INSL6: variants seen among roughly 807,000 people sequenced by gnomAD.
The protein encoded by INSL6 is insulin like 6, also known as insulin-like peptide INSL6.
INSL6 carries 16 observed loss-of-function variants against 9.4 expected under a neutral mutation model. That is an observed-to-expected ratio of 1.70 (90% CI 1.15 to 2.59). The LOEUF (loss-of-function observed/expected upper bound fraction) is 2.59. Ranked by LOEUF, INSL6 falls within the 30% of genes most tolerant of loss-of-function variation. The probability of loss-of-function intolerance (pLI) is 0.00; values close to 1 mark genes in which losing one functional copy is unlikely to be tolerated. For synonymous variants in INSL6, 154 were observed against 96.9 expected (o/e 1.59, Z -3.46); for missense variants, 391 against 257.3 (o/e 1.52, Z -3.56).
chr9:5,050,658 G>T, the INSL6 span: 4 of 1,597,846 alleles, frequency 2.5e-6, no homozygotes, highest in Non-Finnish European at 3.4e-6. Context: ...CTTACGATGA[G>T]ATATTTCCTT....
chr9:5,041,508 T>G, the INSL6 span: 3 of 566,238 alleles, frequency 5.3e-6, no homozygotes, highest in African/African-American at 1.9e-5. Flanking sequence ...CGGGGACACA[T>G]AGCGCGCCAC....
At chr9:5,132,356 G>A (rs1231059275) in intron 3 of INSL6, among the ~76,000 whole-genome samples, 2 of 151,980 alleles carry the variant, frequency 1.3e-5, no homozygotes, top group Non-Finnish European at 1.5e-5. Flanking sequence ...ACATTTAATG[G>A]GAATTTTTTT....
intron 1 of INSL6, among the ~76,000 whole-genome samples, chr9:5,183,701 C>A (rs1376667426): frequency 2.0e-5 from 3 of 151,864 alleles, no homozygotes; most frequent in African/African-American, 7.3e-5. Flanking sequence ...GAAATGCCCA[C>A]CCAACATAAA....
the INSL6 span, chr9:5,111,428 G>A: frequency 7.0e-5 from 28 of 398,650 alleles, no homozygotes; most frequent in South Asian, 5.3e-4. Context: ...CACGAAGGTC[G>A]GGAAGGTCCC....
At chr9:5,174,928 G>C (rs1351142612) in intron 1 of INSL6, among the ~76,000 whole-genome samples, 2 of 150,942 alleles carry the variant, frequency 1.3e-5, no homozygotes, top group African/African-American at 4.9e-5. Context: ...AATTAACAAT[G>C]TTTTGGAGTC....
At chr9:5,090,676 T>G in the INSL6 span, 1 of 1,537,982 alleles carries the variant, frequency 6.5e-7, no homozygotes, top group East Asian at 2.3e-5. Flanking sequence ...ATATATAGGG[T>G]TAAGACCATT....
chr9:5,140,586 T>G (rs1190561614), intron 2 of INSL6, among the ~76,000 whole-genome samples: 5 of 152,142 alleles, frequency 3.3e-5, no homozygotes, highest in African/African-American at 1.2e-4. Context: ...TATAACCATG[T>G]CATTCTTTTG....
At chr9:5,133,157 T>A (rs1214020502) in intron 3 of INSL6, among the ~76,000 whole-genome samples, 1 of 150,474 alleles carries the variant, frequency 6.6e-6, no homozygotes, top group African/African-American at 2.5e-5. Context: ...TATGCAGTGA[T>A]ATTAGAGTGT....
At chr9:5,083,088 T>G in the INSL6 span, among the ~76,000 whole-genome samples, 2 of 152,218 alleles carry the variant, frequency 1.3e-5, no homozygotes, top group Non-Finnish European at 2.9e-5. Flanking sequence ...TCAAATTGAC[T>G]TGACCAAGAG....
At chr9:5,029,865 T>C in the INSL6 span, 7 of 1,612,550 alleles carry the variant, frequency 4.3e-6, no homozygotes, top group Non-Finnish European at 5.9e-6. Flanking sequence ...ATGTCTTCCA[T>C]ATAGATGAGT....
At chr9:5,051,295 T>C in the INSL6 span, among the ~76,000 whole-genome samples, 10 of 152,178 alleles carry the variant, frequency 6.6e-5, no homozygotes, top group African/African-American at 2.4e-4. Flanking sequence ...CTGAGAAGGC[T>C]AGGGAAGTTC....
the INSL6 span, among the ~76,000 whole-genome samples, chr9:5,042,124 C>CTT: frequency 0.016 from 1,766 of 107,450 alleles, 10 homozygotes; most frequent in Non-Finnish European, 0.02. Flanking sequence ...GCCAAAATTT[C>CTT]TTTTTTTTTT....
At position 5,171,942 on chromosome 9, in the gene INSL6, T is replaced by C. The variant is rs949263818; in HGVS notation, c.290-7677A>G. ...ATTTATAGTTTCAATGCTATTCCCA[T>C]CTAACTACCATCGACATTCTTCACA... On this transcript the variant is annotated intron_variant, in intron 1 of 1. Coordinates refer to ENST00000381641, the MANE Select transcript of INSL6 (RefSeq NM_007179.3). 3.9e-5 allele frequency among the ~76,000 whole-genome samples: 6 copies of C among 152,142 alleles called. No homozygotes were observed. In the South Asian group the frequency reaches 1.2e-3, roughly 32 times the overall value.
intron 1 of INSL6, among the ~76,000 whole-genome samples, chr9:5,177,791 G>T (rs1166279118): frequency 6.6e-6 from 1 of 152,196 alleles, no homozygotes; most frequent in East Asian, 1.9e-4. Flanking sequence ...CAGCTTTGGA[G>T]AATCCAAACA....
At chr9:5,160,434 G>A (rs1177776813), downstream of INSL6, among the ~76,000 whole-genome samples, 6 of 152,136 alleles carry the variant, frequency 3.9e-5, no homozygotes, top group Middle Eastern at 3.4e-3. Flanking sequence ...AAACCTATGC[G>A]ATACAGGGAA....
the INSL6 span, among the ~76,000 whole-genome samples, chr9:5,032,665 A>G: frequency 6.6e-6 from 1 of 152,220 alleles, no homozygotes; most frequent in Admixed American, 6.5e-5. Flanking sequence ...GCAAACTCCA[A>G]CAGACCTGCA....
the INSL6 span, among the ~76,000 whole-genome samples, chr9:5,052,697 G>A: frequency 6.6e-6 from 1 of 151,958 alleles, no homozygotes; most frequent in Non-Finnish European, 1.5e-5. Flanking sequence ...TGTTTGCGTG[G>A]ATTTTCCTGT....
the INSL6 span, among the ~76,000 whole-genome samples, chr9:5,043,563 G>A: frequency 6.6e-6 from 1 of 152,174 alleles, no homozygotes; most frequent in Non-Finnish European, 1.5e-5. Flanking sequence ...GGTAAACAAA[G>A]AGTTACCATA....
chr9:5,042,647 C>T, the INSL6 span, among the ~76,000 whole-genome samples: 2 of 152,180 alleles, frequency 1.3e-5, no homozygotes, highest in African/African-American at 4.8e-5. Flanking sequence ...AGCTTGTCTC[C>T]CTCATCCAAA....
Sources: allele counts gnomAD v4.1 joint callset (sites outside exome capture counted in the v4.1 genomes callset), GRCh38; gene constraint gnomAD v4.1.1; transcripts MANE v1.5; gene names NCBI Gene and HGNC (gene_info 2026-07-23, HGNC 2026-07-21).